Variants in TRDN observed in about 807,000 individuals in gnomAD.
TRDN encodes the protein triadin in skeletal muscle.
Under a neutral mutation model 149.7 loss-of-function variants are expected in TRDN, and 161 were observed. The observed-to-expected ratio is 1.08, with a 90% CI of 0.95 to 1.23. The LOEUF is 1.23. TRDN is among the 50% of genes most tolerant of loss of function. The probability of loss-of-function intolerance (pLI) is 0.00; values close to 1 mark genes in which losing one functional copy is unlikely to be tolerated. For synonymous variants in TRDN, 294 were observed against 250.5 expected (o/e 1.17, Z -1.64); for missense variants, 896 against 823.5 (o/e 1.09, Z -1.08).
chr6:123,287,206 T>C (rs1777833286), intron 24 of TRDN, among the ~76,000 whole-genome samples: 1 of 152,178 alleles, frequency 6.6e-6, no homozygotes, highest in Non-Finnish European at 1.5e-5. Flanking sequence ...ACTGGACCCA[T>C]TTCAAATCTG....
In TRDN at chr6:123,472,560, C is replaced by G. The variant is rs375125753; in HGVS notation, c.854-7577G>C. On this transcript the variant is annotated intron_variant, in intron 9 of 40. Transcript: ENST00000334268. ...AGGAAAACAAAGCAGCCGGGAAGCT[C>G]GAACTGGGTGGAGCCCACCACAGCT... 7.9e-5 allele frequency among the ~76,000 whole-genome samples: 12 copies of G among 152,340 alleles called. No individual in the cohort carries two copies. In the East Asian group the frequency reaches 2.1e-3, roughly 27 times the overall value.
intron 1 of TRDN, among the ~76,000 whole-genome samples, chr6:123,605,321 A>T (rs1583313957): frequency 6.7e-6 from 1 of 149,578 alleles, no homozygotes; most frequent in Admixed American, 6.7e-5. Flanking sequence ...ACATATATGT[A>T]TAAAATATAC....
At chr6:123,635,123 G>A (rs1207212390) in intron 1 of TRDN, among the ~76,000 whole-genome samples, 1 of 151,952 alleles carries the variant, frequency 6.6e-6, no homozygotes, top group African/African-American at 2.4e-5. Flanking sequence ...AGAAACAGAA[G>A]ATTAAGACGC....
chr6:123,265,191 T>A lies in TRDN; in HGVS notation c.1804+127A>T, dbSNP rs1389113131. On this transcript the variant is annotated intron_variant, in intron 33 of 40. Transcript: ENST00000334268. The stretch of plus-strand genomic sequence containing the variant: ...TTGTCAACCAGACTCACTTATATGG[T>A]AATAGTATAATGGCTATTACATTAA... 3 of 672,510 alleles carry A rather than the reference T, an allele frequency of 4.5e-6. No homozygotes were observed. In the East Asian group the frequency reaches 1.0e-4, roughly 23 times the overall value. 41.7% of individuals were successfully genotyped at this position (672,510 alleles called of 1,614,324 possible). A position where few individuals can be genotyped will look rare whatever the true frequency, so the allele number is the denominator to read the frequency against.
At chr6:123,594,322 C>T (rs1235822268) in intron 1 of TRDN, among the ~76,000 whole-genome samples, 1 of 152,086 alleles carries the variant, frequency 6.6e-6, no homozygotes, top group African/African-American at 2.4e-5. Flanking sequence ...TAAAAGACCA[C>T]ATATTTTATT....
chr6:123,360,795 G>GA (rs1780872251), intron 20 of TRDN, among the ~76,000 whole-genome samples: 1 of 151,946 alleles, frequency 6.6e-6, no homozygotes, highest in South Asian at 2.1e-4. Flanking sequence ...TTTAATCAGA[G>GA]AAAAAACATT....
intron 23 of TRDN, among the ~76,000 whole-genome samples, chr6:123,327,636 T>C: frequency 6.6e-6 from 1 of 152,108 alleles, no homozygotes; most frequent in East Asian, 1.9e-4. Flanking sequence ...GAATTATTCA[T>C]CACTTATGTT....
intron 1 of TRDN, among the ~76,000 whole-genome samples, chr6:123,620,238 A>G (rs757671258): frequency 6.6e-6 from 1 of 152,156 alleles, no homozygotes; most frequent in South Asian, 2.1e-4. Flanking sequence ...TGTCAGAATG[A>G]TCTAAAAGGT....
chr6:123,367,454 A>G (rs541068634), intron 19 of TRDN, among the ~76,000 whole-genome samples: 1 of 152,270 alleles, frequency 6.6e-6, no homozygotes, highest in Admixed American at 6.5e-5. Context: ...CTTTTGAAAG[A>G]CATCAGACAT....
intron 24 of TRDN, among the ~76,000 whole-genome samples, chr6:123,282,297 C>A (rs1459594492): frequency 6.6e-6 from 1 of 151,864 alleles, no homozygotes; most frequent in Non-Finnish European, 1.5e-5. Context: ...ACAATTCTAG[C>A]TCCACAGTCA....
At chr6:123,366,251 T>C in intron 19 of TRDN, 69 bp from the exon 20 acceptor site, 1 of 1,415,550 alleles carries the variant, frequency 7.1e-7, no homozygotes, top group Non-Finnish European at 9.8e-7. Flanking sequence ...CTTATACTAT[T>C]GAGAATAAAA....
At chr6:123,529,351 G>C (rs1258089158) in intron 5 of TRDN, 5 of 1,547,980 alleles carry the variant, frequency 3.2e-6, no homozygotes, top group African/African-American at 1.4e-5. Context: ...GGAGACATTA[G>C]TTTCCTAAGT....
intron 4 of TRDN, among the ~76,000 whole-genome samples, chr6:123,545,505 A>G (rs1781066881): frequency 6.6e-6 from 1 of 151,934 alleles, no homozygotes; most frequent in African/African-American, 2.4e-5. Context: ...TTATTATTAC[A>G]TAGCCTCTGT....
intron 4 of TRDN, among the ~76,000 whole-genome samples, chr6:123,531,027 CTA>C (rs1016302219): frequency 2.0e-5 from 3 of 151,878 alleles, no homozygotes; most frequent in Non-Finnish European, 4.4e-5. Flanking sequence ...TGACTCTAAG[CTA>C]TGTTTATAAT....
At position 123,301,725 on chromosome 6, in the gene TRDN, ATATG is replaced by A. The variant is rs1363317338; in HGVS notation, c.1510+14728_1510+14731del. Among the ~76,000 whole-genome samples, 715 of 141,908 alleles carry A rather than the reference ATATG, an allele frequency of 5.0e-3. 10 individuals are homozygous for A. The highest frequency in any genetic ancestry group is 0.045 in the East Asian group (215 of 4,792). The allele number at this position is 141,908 out of a possible 152,430, so 93.1% of individuals were successfully genotyped here. On this transcript the variant is annotated intron_variant, in intron 24 of 40. Coordinates refer to ENST00000334268, the MANE Select transcript of TRDN (RefSeq NM_006073.4). ...GTAATAAACCAACCTCCCAGTACAT[ATATG>A]TATGTATGTATGTATATATATACAT...
chr6:123,529,525 A>G (rs934266967), intron 5 of TRDN: 10 of 625,594 alleles, frequency 1.6e-5, no homozygotes, highest in Middle Eastern at 4.3e-4. Context: ...TATTTTAAAA[A>G]CAACAGCAAC....
intron 36 of TRDN, among the ~76,000 whole-genome samples, chr6:123,255,414 T>C (rs1341208398): frequency 1.3e-5 from 2 of 152,172 alleles, no homozygotes; most frequent in Non-Finnish European, 2.9e-5. Context: ...AAAAGAGTTA[T>C]TTTGTTATTG....
At chr6:123,295,879 C>T (rs1431600770) in intron 24 of TRDN, among the ~76,000 whole-genome samples, 1 of 151,656 alleles carries the variant, frequency 6.6e-6, no homozygotes, top group East Asian at 1.9e-4. Flanking sequence ...ACACGAGAAT[C>T]GCTTGAACCC....
At chr6:123,502,678 C>G (rs1042113698) in intron 8 of TRDN, 29 of 984,334 alleles carry the variant, frequency 2.9e-5, no homozygotes, top group Non-Finnish European at 3.4e-5. Flanking sequence ...CTCCAAATAG[C>G]CTGCTCTGTA....
Sources: allele counts gnomAD v4.1 joint callset (sites outside exome capture counted in the v4.1 genomes callset), GRCh38; gene constraint gnomAD v4.1.1; transcripts MANE v1.5; gene names NCBI Gene and HGNC (gene_info 2026-07-23, HGNC 2026-07-21).